Variants in CDC42SE2 observed in about 807,000 individuals in gnomAD.
The protein encoded by CDC42SE2 is CDC42 small effector 2, also known as CDC42 small effector protein 2.
CDC42SE2 carries 3 observed loss-of-function variants against 11.5 expected under a neutral mutation model. The observed-to-expected ratio is 0.26, with a 90% CI of 0.12 to 0.67. The LOEUF (loss-of-function observed/expected upper bound fraction) is 0.67, where lower values mean the gene tolerates loss of function less well. Ranked by LOEUF, CDC42SE2 falls within the 30% of genes least tolerant of loss-of-function variation. The probability of loss-of-function intolerance (pLI) is 0.80; values close to 1 mark genes in which losing one functional copy is unlikely to be tolerated. For missense variants in CDC42SE2, 82 were observed against 106.8 expected (o/e 0.77, Z 1.02); for synonymous variants, 33 against 34.8 (o/e 0.95, Z 0.18).
At chr5:131,332,483 A>G (rs1216508268) in intron 2 of CDC42SE2, among the ~76,000 whole-genome samples, 2 of 152,136 alleles carry the variant, frequency 1.3e-5, no homozygotes, top group Non-Finnish European at 2.9e-5. Flanking sequence ...GTATATACCC[A>G]GTAATGGGAT....
chr5:131,317,963 T>C (rs1758085637), intron 2 of CDC42SE2, among the ~76,000 whole-genome samples: 1 of 152,114 alleles, frequency 6.6e-6, no homozygotes. Context: ...TTGCCCAGGC[T>C]GGAGTGTGAT....
Position 131,347,778 on chromosome 5 carries a change from G to A in CDC42SE2, c.-285-11431G>A, listed in dbSNP as rs557197536. Among the ~76,000 whole-genome samples the A allele has an allele frequency of 5.9e-5, 9 of 152,292 alleles. No individual in the cohort carries two copies. The East Asian group carries it at 1.3e-3, about 23-fold the overall frequency. On this transcript the variant is annotated intron_variant, in intron 2 of 4. Coordinates refer to ENST00000505065, the MANE Select transcript of CDC42SE2 (RefSeq NM_001375635.1). The stretch of plus-strand genomic sequence containing the variant: ...AAATACTGGCAAACCAAATCCAGCA[G>A]CACCTCAAAAAGCTTATGTACCACG...
At chr5:131,358,479 C>T (rs1222918612) in intron 2 of CDC42SE2, among the ~76,000 whole-genome samples, 1 of 152,158 alleles carries the variant, frequency 6.6e-6, no homozygotes, top group African/African-American at 2.4e-5. Flanking sequence ...TTAAAGTCAA[C>T]AGCTTGGCAG....
At chr5:131,337,287 T>C (rs1421627456) in intron 2 of CDC42SE2, among the ~76,000 whole-genome samples, 3 of 152,104 alleles carry the variant, frequency 2.0e-5, no homozygotes, top group Non-Finnish European at 4.4e-5. Flanking sequence ...ACAGCGGATA[T>C]TATTGAACCG....
chr5:131,313,115 T>C (rs1288223174), intron 1 of CDC42SE2, among the ~76,000 whole-genome samples: 4 of 152,046 alleles, frequency 2.6e-5, no homozygotes, highest in African/African-American at 9.7e-5. Flanking sequence ...CCCTTGTAGC[T>C]GGGACTACAG....
At chr5:131,279,705 C>T (rs1370425439) in intron 1 of CDC42SE2, among the ~76,000 whole-genome samples, 2 of 152,054 alleles carry the variant, frequency 1.3e-5, no homozygotes, top group Non-Finnish European at 2.9e-5. Context: ...TCTACCTTCT[C>T]CCCCAGTTCT....
intron 3 of CDC42SE2, among the ~76,000 whole-genome samples, chr5:131,362,848 T>A (rs1241192333): frequency 6.6e-6 from 1 of 152,148 alleles, no homozygotes. Flanking sequence ...ATTTAATTTT[T>A]TAAAAAGATT....
In CDC42SE2 at chr5:131,391,864, A is replaced by C. The variant is rs1049746720; in HGVS notation, c.*773A>C. ...AATTTCTATATTTTCTCTGTCCACT[A>C]TTCTGTAATTTTTTTTTGTCCTGTG... On this transcript the variant is annotated 3_prime_UTR_variant, in exon 5 of 5. Coordinates refer to ENST00000505065, the MANE Select transcript of CDC42SE2 (RefSeq NM_001375635.1). The C allele has an allele frequency of 3.3e-5, 5 of 152,254 alleles. No homozygotes were observed. The highest frequency in any genetic ancestry group is 4.8e-5 in the African/African-American group (2 of 41,416). 9.4% of individuals were successfully genotyped at this position (152,254 alleles called of 1,614,324 possible). A position where few individuals can be genotyped will look rare whatever the true frequency, so the allele number is the denominator to read the frequency against.
chr5:131,245,148 C>G (rs1561560497), upstream of CDC42SE2, among the ~76,000 whole-genome samples: 1 of 152,140 alleles, frequency 6.6e-6, no homozygotes, highest in Non-Finnish European at 1.5e-5. Context: ...GAGCTGGTCC[C>G]CAACTTCTCC....
intron 1 of CDC42SE2, among the ~76,000 whole-genome samples, chr5:131,280,646 A>G (rs1757219836): frequency 6.6e-6 from 1 of 152,204 alleles, no homozygotes; most frequent in Non-Finnish European, 1.5e-5. Context: ...TGATTGTTTT[A>G]TACTAGCTGA....
chr5:131,343,492 C>A (rs1213944593), intron 2 of CDC42SE2, among the ~76,000 whole-genome samples: 1 of 152,104 alleles, frequency 6.6e-6, no homozygotes, highest in Admixed American at 6.6e-5. Context: ...GCAGGCGGAT[C>A]TCCTGAGGTC....
chr5:131,308,343 TGTA>T (rs1201846399), intron 1 of CDC42SE2, among the ~76,000 whole-genome samples: 1 of 151,934 alleles, frequency 6.6e-6, no homozygotes, highest in Non-Finnish European at 1.5e-5. Context: ...TTTTGGTTAC[TGTA>T]GCCTTGTAGT....
At chr5:131,347,344 A>G (rs1160541611) in intron 2 of CDC42SE2, among the ~76,000 whole-genome samples, 1 of 152,228 alleles carries the variant, frequency 6.6e-6, no homozygotes, top group Non-Finnish European at 1.5e-5. Flanking sequence ...AGAAATACAG[A>G]CTACCATCAG....
chr5:131,313,430 G>C (rs1757974059), intron 1 of CDC42SE2, among the ~76,000 whole-genome samples: 1 of 152,108 alleles, frequency 6.6e-6, no homozygotes, highest in South Asian at 2.1e-4. Context: ...TTGTGTTTTA[G>C]TTTACTAATC....
intron 1 of CDC42SE2, among the ~76,000 whole-genome samples, chr5:131,279,542 G>A (rs1022272830): frequency 1.4e-5 from 2 of 141,724 alleles, no homozygotes; most frequent in Non-Finnish European, 1.5e-5. Flanking sequence ...TACCCTTTAA[G>A]TGCTTGCTTA....
At chr5:131,296,454 A>G (rs183363718) in intron 1 of CDC42SE2, among the ~76,000 whole-genome samples, 3 of 152,264 alleles carry the variant, frequency 2.0e-5, no homozygotes, top group Non-Finnish European at 2.9e-5. Context: ...TGTGTTCCCC[A>G]TGAAACCTGG....
chr5:131,257,314 C>T (rs1756686312), intron 2 of CDC42SE2, among the ~76,000 whole-genome samples: 1 of 151,736 alleles, frequency 6.6e-6, no homozygotes, highest in Admixed American at 6.6e-5. Flanking sequence ...CCAGGCCGGT[C>T]TCAAACTCCT....
chr5:131,323,266 T>C (rs916450075), intron 2 of CDC42SE2, among the ~76,000 whole-genome samples: 3 of 151,220 alleles, frequency 2.0e-5, no homozygotes, highest in Non-Finnish European at 4.4e-5. Context: ...GCTCGAGCAA[T>C]CCTTCCACCT....
intron 2 of CDC42SE2, among the ~76,000 whole-genome samples, chr5:131,333,828 T>C (rs1266114733): frequency 2.0e-5 from 3 of 152,358 alleles, no homozygotes; most frequent in Admixed American, 1.3e-4. Context: ...CGTGAGACTT[T>C]GCTGAAGTTG....
Sources: gnomAD v4.1 joint callset for allele counts (sites outside exome capture counted in the v4.1 genomes callset) on GRCh38, gnomAD v4.1.1 for gene constraint, MANE v1.5 for transcripts, NCBI Gene and HGNC (gene_info 2026-07-23, HGNC 2026-07-21) for gene names.